NCALD: variants seen among roughly 807,000 people sequenced by gnomAD.
The protein encoded by NCALD is neurocalcin delta.
A neutral mutation model predicts 18.6 loss-of-function variants in NCALD; 10 were observed. The ratio of observed to expected loss-of-function variants is 0.54; its 90% confidence interval spans 0.33 to 0.91. The LOEUF (loss-of-function observed/expected upper bound fraction) is 0.91, where lower values mean the gene tolerates loss of function less well. NCALD is among the 40% of genes least tolerant of loss of function. NCALD has a pLI of 0.03. For synonymous variants in NCALD, 88 were observed against 87.4 expected (o/e 1.01, Z -0.04); for missense variants, 184 against 247.6 (o/e 0.74, Z 1.72).
In NCALD at chr8:102,066,467, G is replaced by T. The variant is rs542596089; in HGVS notation, c.-209-46178C>A. On this transcript the variant is annotated intron_variant, in intron 1 of 6. Coordinates refer to the NCALD transcript ENST00000311028. ...CGGCACTCACTGTGTGAGTGGCACG[G>T]TGCTGGGCCCAGACAATACACGAAG... Among the ~76,000 whole-genome samples, 11 of 152,316 alleles carry T rather than the reference G, an allele frequency of 7.2e-5. No homozygotes were observed. In the East Asian group the frequency reaches 2.1e-3, roughly 29 times the overall value.
chr8:101,911,544 G>A (rs1337887019), intron 3 of NCALD, among the ~76,000 whole-genome samples: 1 of 151,818 alleles, frequency 6.6e-6, no homozygotes, highest in Non-Finnish European at 1.5e-5. Context: ...TTTCAGTAGA[G>A]ATGGGGTTTC....
chr8:102,010,782 A>T (rs1193545330), intron 2 of NCALD, among the ~76,000 whole-genome samples: 1 of 152,250 alleles, frequency 6.6e-6, no homozygotes, highest in Non-Finnish European at 1.5e-5. Context: ...ATGAACAATT[A>T]TCAGGTGATG....
chr8:102,041,541 C>T (rs1201112351), intron 1 of NCALD, among the ~76,000 whole-genome samples: 1 of 152,210 alleles, frequency 6.6e-6, no homozygotes, highest in Admixed American at 6.5e-5. Flanking sequence ...TGGCCCAACA[C>T]AACCCCCACA....
chr8:101,721,020 G>A (rs1043840243), intron 1 of NCALD, among the ~76,000 whole-genome samples: 2 of 152,158 alleles, frequency 1.3e-5, no homozygotes, highest in African/African-American at 4.8e-5. Context: ...CCCAAAGGGG[G>A]CATGGGTGCT....
At position 101,828,268 on chromosome 8, in the gene NCALD, G is replaced by A. The variant is rs111848862; in HGVS notation, c.-20+58873C>T. 5.7e-3 allele frequency among the ~76,000 whole-genome samples: 864 copies of A among 152,294 alleles called. 11 individuals are homozygous for A. Among genetic ancestry groups the A allele is most frequent in the African/African-American group, 0.018 (759 of 41,560 alleles). ...AGGGACTTCCCATCTCACGTGGAAT[G>A]AAAGCCCAAATCTTGCAAGACCGAG... On this transcript the variant is annotated intron_variant, in intron 4 of 6. Coordinates refer to the NCALD transcript ENST00000311028.
chr8:101,771,610 A>G (rs1202408655), intron 1 of NCALD, among the ~76,000 whole-genome samples: 1 of 152,160 alleles, frequency 6.6e-6, no homozygotes, highest in Non-Finnish European at 1.5e-5. Flanking sequence ...AATTATTAGG[A>G]TTATATTTTA....
At chr8:101,739,050 A>G (rs1465216818) in intron 1 of NCALD, among the ~76,000 whole-genome samples, 4 of 151,844 alleles carry the variant, frequency 2.6e-5, no homozygotes, top group African/African-American at 9.7e-5. Context: ...CCCTACTCCC[A>G]TATCCTCATG....
intron 4 of NCALD, among the ~76,000 whole-genome samples, chr8:101,861,348 A>C (rs1815534693): frequency 6.6e-6 from 1 of 152,052 alleles, no homozygotes; most frequent in Non-Finnish European, 1.5e-5. Context: ...CCACCCTCCG[A>C]GTCAGTGGCG....
chr8:101,928,063 G>A (rs1818403107), intron 2 of NCALD, among the ~76,000 whole-genome samples: 1 of 152,120 alleles, frequency 6.6e-6, no homozygotes, highest in African/African-American at 2.4e-5. Flanking sequence ...ATGACAAGCT[G>A]GGAACTAACT....
At chr8:101,709,499 AGGGT>A (rs1815687604) in intron 2 of NCALD, among the ~76,000 whole-genome samples, 1 of 152,178 alleles carries the variant, frequency 6.6e-6, no homozygotes, top group Non-Finnish European at 1.5e-5. Flanking sequence ...TGGCCTTTCA[AGGGT>A]CTTAGTTACT....
intron 4 of NCALD, among the ~76,000 whole-genome samples, chr8:101,880,062 C>T (rs1382544975): frequency 2.1e-5 from 2 of 95,214 alleles, no homozygotes; most frequent in African/African-American, 8.4e-5. Context: ...TGGGGCCTTG[C>T]AGGAGCCCAT....
At chr8:102,029,219 G>A (rs1822577081) in intron 1 of NCALD, 2 of 152,218 alleles carry the variant, frequency 1.3e-5, no homozygotes, top group African/African-American at 4.8e-5. Flanking sequence ...GATCTGAAGA[G>A]ATGTCCATAG....
chr8:102,054,675 TAGATA>T (rs1228666042), intron 1 of NCALD, among the ~76,000 whole-genome samples: 1 of 107,084 alleles, frequency 9.3e-6, no homozygotes, highest in Non-Finnish European at 2.0e-5. Flanking sequence ...GATAGATAGA[TAGATA>T]GATAGATAGA....
intron 1 of NCALD, among the ~76,000 whole-genome samples, chr8:102,063,280 G>C (rs758802939): frequency 2.0e-5 from 3 of 152,060 alleles, no homozygotes; most frequent in Admixed American, 1.3e-4. Flanking sequence ...CCCATTTCCC[G>C]AACATTTTTC....
At chr8:101,948,777 A>G (rs1007821243) in intron 2 of NCALD, among the ~76,000 whole-genome samples, 1 of 152,174 alleles carries the variant, frequency 6.6e-6, no homozygotes, top group Non-Finnish European at 1.5e-5. Context: ...GAAGACCCGG[A>G]GCCAGGCTGC....
chr8:101,788,283 G>A (rs1812312153), intron 1 of NCALD, among the ~76,000 whole-genome samples: 1 of 152,120 alleles, frequency 6.6e-6, no homozygotes, highest in Non-Finnish European at 1.5e-5. Flanking sequence ...GAGGGCCTGG[G>A]GAACTTGGTT....
At chr8:101,900,129 A>G (rs978178392) in intron 3 of NCALD, among the ~76,000 whole-genome samples, 8 of 151,918 alleles carry the variant, frequency 5.3e-5, no homozygotes, top group Non-Finnish European at 8.8e-5. Flanking sequence ...TTAATTTCAT[A>G]TAAGTTGTCA....
intron 1 of NCALD, among the ~76,000 whole-genome samples, chr8:102,059,345 G>A (rs1823762098): frequency 6.6e-6 from 1 of 152,114 alleles, no homozygotes; most frequent in Non-Finnish European, 1.5e-5. Context: ...TGTGATTATT[G>A]TTATAAACAG....
chr8:102,036,970 CTT>C (rs1203369475), intron 1 of NCALD, among the ~76,000 whole-genome samples: 2 of 151,914 alleles, frequency 1.3e-5, no homozygotes, highest in African/African-American at 4.8e-5. Flanking sequence ...TGGAATGTAA[CTT>C]AAAGAAAAAA....
Sources: gnomAD v4.1 joint callset for allele counts (sites outside exome capture counted in the v4.1 genomes callset) on GRCh38, gnomAD v4.1.1 for gene constraint, MANE v1.5 for transcripts, NCBI Gene and HGNC (gene_info 2026-07-23, HGNC 2026-07-21) for gene names.